NDST1: variants seen among roughly 807,000 people sequenced by gnomAD.
NDST1 encodes the protein N-deacetylase and N-sulfotransferase 1.
NDST1 carries 35 observed loss-of-function variants against 92.8 expected under a neutral mutation model. The ratio of observed to expected loss-of-function variants is 0.38; its 90% CI spans 0.29 to 0.50. NDST1 has a LOEUF of 0.50. Ranked by LOEUF, NDST1 falls within the 20% of genes least tolerant of loss-of-function variation. The probability of loss-of-function intolerance (pLI) is 0.94; values close to 1 mark genes in which losing one functional copy is unlikely to be tolerated. For synonymous variants in NDST1, 493 were observed against 500.3 expected (o/e 0.99, Z 0.19); for missense variants, 822 against 1,182.7 (o/e 0.69, Z 4.47).
At chr5:150,501,468 T>C (rs964111894) in intron 1 of NDST1, among the ~76,000 whole-genome samples, 6 of 152,098 alleles carry the variant, frequency 3.9e-5, no homozygotes, top group East Asian at 1.9e-4. Flanking sequence ...AAGCAGTCAA[T>C]TGGACTAGAA....
intron 7 of NDST1, 169 bp from the exon 8 acceptor site, chr5:150,539,913 G>A: frequency 1.3e-6 from 1 of 750,722 alleles, no homozygotes; most frequent in Non-Finnish European, 1.6e-6. Context: ...TGGTTCGTCT[G>A]TCACCTCATC....
At chr5:150,541,892 G>A (rs1033270116) in intron 9 of NDST1, among the ~76,000 whole-genome samples, 25 of 152,138 alleles carry the variant, frequency 1.6e-4, no homozygotes, top group Non-Finnish European at 2.6e-4. Context: ...TAGCCTCAGG[G>A]AGCTCTCCCT....
At chr5:150,507,920 G>A (rs1753535088), upstream of NDST1, among the ~76,000 whole-genome samples, 1 of 152,216 alleles carries the variant, frequency 6.6e-6, no homozygotes, top group Non-Finnish European at 1.5e-5. Flanking sequence ...TGGTTCCCTG[G>A]GCACGGGGCA....
Position 150,539,077 on chromosome 5 carries a change from G to T in NDST1, c.1438-151G>T. 3 of 668,086 alleles carry T rather than the reference G, an allele frequency of 4.5e-6. No homozygotes were observed. In the Admixed American group the frequency reaches 6.8e-5, roughly 15 times the overall value. 41.4% of individuals were successfully genotyped at this position (668,086 alleles called of 1,614,324 possible). ...TGTAGTTCACTGGGGGGAACGCTGT[G>T]CTGTAGGCTGCACCCAAGGGTAGGG... is the stretch of plus-strand genomic sequence containing the variant. On this transcript the variant is annotated intron_variant, in intron 6 of 14. Coordinates refer to ENST00000261797, the MANE Select transcript of NDST1 (RefSeq NM_001543.5).
At position 150,521,235 on chromosome 5, in the gene NDST1, C is replaced by T. The variant is rs1754227845; in HGVS notation, c.-20C>T. 1.9e-6 allele frequency: 3 copies of T among 1,598,712 alleles called. No homozygotes were observed. Reference sequence around the variant, plus strand: ...CCAGGGCAGGCCGGGCCTCCGGTGGCCAAGGTCTCGGAGGCCAGGATGCCT... The same window carrying T: ...CCAGGGCAGGCCGGGCCTCCGGTGGTCAAGGTCTCGGAGGCCAGGATGCCT... On this transcript the variant is annotated 5_prime_UTR_variant, in exon 2 of 15. Coordinates refer to ENST00000261797, the MANE Select transcript of NDST1 (RefSeq NM_001543.5). The surrounding 1 kb of genome is among the most constrained non-coding windows in gnomAD (Gnocchi z 5.9).
chr5:150,548,448 G>A lies in NDST1; in HGVS notation c.2316+60G>A, dbSNP rs1247931825. ...ACAGTACTGGCTTGCTGTGGTTAGC[G>A]GAGAGCCTCCAACTCTTTCTCACCA... On this transcript the variant is annotated intron_variant, in intron 12 of 14. Coordinates refer to ENST00000261797, the MANE Select transcript of NDST1 (RefSeq NM_001543.5). The A allele has an allele frequency of 1.1e-5, 18 of 1,574,204 alleles. No homozygotes were observed. The African/African-American group carries it at 1.2e-4, about 11-fold the overall frequency.
At chr5:150,508,683 T>G (rs1418454452) in intron 1 of NDST1, among the ~76,000 whole-genome samples, 2 of 152,190 alleles carry the variant, frequency 1.3e-5, no homozygotes, top group Non-Finnish European at 2.9e-5. Context: ...GCTTTGGTCC[T>G]GTCTAGACTG....
chr5:150,528,107 C>T lies in NDST1; in HGVS notation c.817C>T (p.His273Tyr), dbSNP rs1261991074. 1.2e-6 allele frequency: 2 copies of T among 1,613,958 alleles called. No homozygotes were observed. Among genetic ancestry groups the T allele is most frequent in the Non-Finnish European group, 1.7e-6 (2 of 1,179,840 alleles). The part of the protein sequence containing the change: ...HATVVQDLGL[H>Y]DGIQRVLFGN... Reference sequence around the variant, plus strand: ...CACTGTGGTCCAGGACCTGGGCCTGCACGACGGCATCCAGCGCGTGCTGTT... The same window carrying T: ...CACTGTGGTCCAGGACCTGGGCCTGTACGACGGCATCCAGCGCGTGCTGTT... The change falls in exon 3 of 15, where the codon CAC becomes TAC. Residue 273 changes from histidine (H) to tyrosine (Y), a missense_variant. By Grantham distance (83) the His-to-Tyr change is moderately conservative. Coordinates refer to ENST00000261797, the MANE Select transcript of NDST1 (RefSeq NM_001543.5).
intron 6 of NDST1, among the ~76,000 whole-genome samples, chr5:150,537,969 C>T (rs560126254): frequency 5.9e-5 from 9 of 152,276 alleles, no homozygotes; most frequent in African/African-American, 2.2e-4. Flanking sequence ...GTAAAATATA[C>T]AGTGGTCAGA....
chr5:150,528,320 C>A, intron 3 of NDST1, 22 bp downstream of exon 3: 2 of 1,563,602 alleles, frequency 1.3e-6, no homozygotes, highest in South Asian at 1.2e-5. Flanking sequence ...GGTGCTAGAC[C>A]GGGCAAGGCA....
In NDST1 at chr5:150,535,763, G is replaced by A. The variant is rs1263244153; in HGVS notation, c.1315G>A (p.Val439Met). 9.3e-6 allele frequency: 15 copies of A among 1,614,084 alleles called. No individual in the cohort carries two copies. The highest frequency in any genetic ancestry group is 1.6e-4 in the Middle Eastern group (1 of 6,084). ...GCCCCACCACTCGGGCGTGTACCCC[G>A]TGCACGTGCAGCTGTACGAGGCTTG... is the stretch of plus-strand genomic sequence containing the variant. ...VAPHHSGVYP[V>M]HVQLYEAWKQ... Residue 439 changes from valine (V) to methionine (M), a missense_variant, in exon 6 of 15, where the codon GTG becomes ATG. Coordinates refer to ENST00000261797, the MANE Select transcript of NDST1 (RefSeq NM_001543.5).
chr5:150,520,150 T>C (rs1184867140), intron 1 of NDST1, among the ~76,000 whole-genome samples: 2 of 152,162 alleles, frequency 1.3e-5, no homozygotes, highest in Non-Finnish European at 2.9e-5. Context: ...TGTGCCAAGC[T>C]CCTCAGACAT....
rs373162690 is a variant in NDST1, at chr5:150,543,020, C to T, written c.1970+49C>T. On this transcript the variant is annotated intron_variant, in intron 10 of 14. Coordinates refer to ENST00000261797, the MANE Select transcript of NDST1 (RefSeq NM_001543.5). ...GCGGGACGGGAAGGCCATCCTGGGGCCTCCCAGGAGTCTGCTGTGGCCACA... is the reference window on the plus strand; with the variant it reads ...GCGGGACGGGAAGGCCATCCTGGGGTCTCCCAGGAGTCTGCTGTGGCCACA... The T allele has an allele frequency of 4.6e-4, 739 of 1,611,020 alleles. 5 individuals are homozygous for T. The highest frequency in any genetic ancestry group is 9.7e-5 in the Non-Finnish European group (114 of 1,177,824).
At position 150,545,371 on chromosome 5, in the gene NDST1, G is replaced by A. The variant is rs1755433910; in HGVS notation, c.2030G>A (p.Ser677Asn). 1.2e-6 allele frequency: 2 copies of A among 1,614,096 alleles called. No homozygotes were observed. The highest frequency in any genetic ancestry group is 1.7e-6 in the Non-Finnish European group (2 of 1,180,050). Residue 677 changes from serine to asparagine, a missense_variant, in exon 11 of 15, where the codon AGC becomes AAC. Transcript: ENST00000261797. ...ACCTCCGACTTCTACTTTGAGAAAA[G>A]CGCCAACTACTTTGATTCAGAAGTG... ...NTTSDFYFEK[S>N]ANYFDSEVAP...
rs747627702 is a variant in NDST1, at chr5:150,548,228, C to T, written c.2156C>T (p.Ala719Val). 2 of 1,614,212 alleles carry T rather than the reference C, an allele frequency of 1.2e-6. No individual in the cohort carries two copies. Among genetic ancestry groups the T allele is most frequent in the Admixed American group, 3.3e-5 (2 of 60,026 alleles). The part of the protein sequence containing the change: ...RAYSWYQHQR[A>V]HDDPVALKYT... ...TTTCCTTGCCTGCAGCACCAGCGAG[C>T]CCATGACGACCCAGTGGCCCTAAAG... The change falls in exon 12 of 15, where the codon GCC (alanine) becomes GTC (valine). Residue 719 changes from alanine to valine, a missense_variant. By Grantham distance (64) the Ala-to-Val change is moderately conservative. Transcript: ENST00000261797.
At chr5:150,539,072 G>A (rs762940382) in intron 6 of NDST1, among the ~76,000 whole-genome samples, 156 bp from the exon 7 acceptor site, 4 of 152,218 alleles carry the variant, frequency 2.6e-5, no homozygotes, top group Non-Finnish European at 4.4e-5. Context: ...TGGGGGGAAC[G>A]CTGTGCTGTA....
intron 5 of NDST1, chr5:150,535,319 A>C: frequency 1.0e-6 from 1 of 985,314 alleles, no homozygotes; most frequent in Non-Finnish European, 1.2e-6. Context: ...CTAGAAGGGG[A>C]GGCTCTGGAA....
At chr5:150,507,668 A>G (rs1280645216), upstream of NDST1, 2 of 152,404 alleles carry the variant, frequency 1.3e-5, no homozygotes, top group African/African-American at 4.8e-5. Flanking sequence ...CCAGCTGGGC[A>G]TACCAGTCCT....
At position 150,521,467 on chromosome 5, in the gene NDST1, G is replaced by C. The variant is rs545691216; in HGVS notation, c.213G>C (p.Lys71Asn). The C allele has an allele frequency of 1.9e-6, 3 of 1,613,874 alleles. No individual in the cohort carries two copies. Among genetic ancestry groups the C allele is most frequent in the African/African-American group, 1.3e-5 (1 of 75,056 alleles). The change falls in exon 2 of 15, where the codon AAG becomes AAC. Residue 71 changes from lysine (K) to asparagine (N), a missense_variant. Lys to Asn is a moderately conservative substitution (Grantham distance 94, BLOSUM62 0). Transcript: ENST00000261797. The surrounding 1 kb of genome is among the most constrained non-coding windows in gnomAD (Gnocchi z 5.9). Reference protein sequence around the residue: ...PVAPSRLLPLKPVQAATPSRT... With the variant: ...PVAPSRLLPLNPVQAATPSRT... ...CCCCCAGTCGCCTGCTGCCACTCAA[G>C]CCTGTGCAGGCAGCCACCCCTTCCC...
Sources: gnomAD v4.1 joint callset for allele counts (sites outside exome capture counted in the v4.1 genomes callset) on GRCh38, gnomAD v4.1.1 for gene constraint, Gnocchi (gnomAD v3.1) non-coding constraint, MANE v1.5 for transcripts, NCBI Gene and HGNC (gene_info 2026-07-23, HGNC 2026-07-21) for gene names.